The following ZFHX3 variants were observed in gnomAD, a reference collection of about 807,000 sequenced individuals.
The protein encoded by ZFHX3 is zinc finger homeobox 3.
A neutral mutation model predicts 279.1 loss-of-function variants in ZFHX3; 42 were observed. The ratio of observed to expected loss-of-function variants is 0.15; its 90% CI spans 0.12 to 0.19. The LOEUF (loss-of-function observed/expected upper bound fraction) is 0.19. Ranked by LOEUF, ZFHX3 falls within the 10% of genes least tolerant of loss-of-function variation. ZFHX3 has a pLI of 1.00. For missense variants in ZFHX3, 4,981 were observed against 4,754.0 expected (o/e 1.05, Z -1.40); for synonymous variants, 2,293 against 1,957.8 (o/e 1.17, Z -4.52).
intron 2 of ZFHX3, among the ~76,000 whole-genome samples, chr16:73,460,931 G>A (rs946913635): frequency 1.3e-5 from 2 of 152,150 alleles, no homozygotes; most frequent in African/African-American, 4.8e-5. Flanking sequence ...CCCAGCAGAT[G>A]CCAGCATCAT....
At chr16:73,517,636 A>G (rs1383515931) in intron 2 of ZFHX3, among the ~76,000 whole-genome samples, 1 of 152,218 alleles carries the variant, frequency 6.6e-6, no homozygotes, top group Non-Finnish European at 1.5e-5. Flanking sequence ...TGTAGCAAAC[A>G]TAGTATCTTT....
At chr16:73,579,565 G>C (rs370495473) in intron 2 of ZFHX3, among the ~76,000 whole-genome samples, 43 of 149,938 alleles carry the variant, frequency 2.9e-4, no homozygotes, top group East Asian at 9.8e-4. Context: ...GCAGTGGCGT[G>C]ATCTTGGCTC....
chr16:73,707,623 G>A (rs1157597417), intron 1 of ZFHX3, among the ~76,000 whole-genome samples: 2 of 151,212 alleles, frequency 1.3e-5, no homozygotes, highest in East Asian at 3.9e-4. Context: ...ATAGCATTAG[G>A]AGATATACCT....
At chr16:73,793,555 G>C (rs1403295812) in intron 1 of ZFHX3, among the ~76,000 whole-genome samples, 2 of 152,196 alleles carry the variant, frequency 1.3e-5, no homozygotes, top group Non-Finnish European at 1.5e-5. Flanking sequence ...AATTGTAGCT[G>C]TGCTGTATCT....
At chr16:73,687,051 TATATATATATA>T in intron 1 of ZFHX3, among the ~76,000 whole-genome samples, 1 of 112,152 alleles carries the variant, frequency 8.9e-6, no homozygotes, top group Non-Finnish European at 1.8e-5. Context: ...TATATATATA[TATATATATATA>T]TATTTGCAGC....
chr16:73,843,797 T>G (rs911854157), intron 1 of ZFHX3, among the ~76,000 whole-genome samples: 11 of 152,096 alleles, frequency 7.2e-5, no homozygotes, highest in African/African-American at 2.7e-4. Flanking sequence ...GACCACTAGG[T>G]CTCCTTCGCA....
chr16:73,439,779 G>A (rs975464177), intron 3 of ZFHX3, among the ~76,000 whole-genome samples: 9 of 151,800 alleles, frequency 5.9e-5, no homozygotes, highest in African/African-American at 2.2e-4. Context: ...GCTCCTTGGA[G>A]TTTGAGGGGC....
intron 7 of ZFHX3, among the ~76,000 whole-genome samples, chr16:73,108,423 T>C (rs935623619): frequency 1.3e-5 from 2 of 151,918 alleles, no homozygotes; most frequent in African/African-American, 4.8e-5. Flanking sequence ...TTTTGTTTGT[T>C]TTGAGGGTAT....
At chr16:72,860,449 CAG>C (rs1491517778) in intron 4 of ZFHX3, among the ~76,000 whole-genome samples, 2 of 152,152 alleles carry the variant, frequency 1.3e-5, no homozygotes, top group Non-Finnish European at 2.9e-5. Flanking sequence ...CTTTTTGAGA[CAG>C]AGTCTCACTC....
intron 3 of ZFHX3, among the ~76,000 whole-genome samples, chr16:72,938,239 G>T (rs186380732): frequency 6.6e-6 from 1 of 152,258 alleles, no homozygotes. Context: ...CTTCCTTAAA[G>T]TCTGATTAAA....
At chr16:73,837,645 C>A (rs563754723) in intron 1 of ZFHX3, among the ~76,000 whole-genome samples, 13 of 152,020 alleles carry the variant, frequency 8.6e-5, no homozygotes, top group African/African-American at 3.1e-4. Context: ...CTTTTCTTTT[C>A]TTTTCTTTTT....
At chr16:73,314,835 T>A (rs1399329259) in intron 4 of ZFHX3, among the ~76,000 whole-genome samples, 2 of 152,256 alleles carry the variant, frequency 1.3e-5, no homozygotes, top group Non-Finnish European at 2.9e-5. Context: ...AGAAAGAATT[T>A]ACTGAGCACC....
chr16:73,592,362 A>G (rs2143845467), intron 2 of ZFHX3, among the ~76,000 whole-genome samples: 1 of 152,296 alleles, frequency 6.6e-6, no homozygotes, highest in Admixed American at 6.5e-5. Context: ...GGGAGAGAGA[A>G]GGGGGTGGGA....
At chr16:72,892,084 G>A (rs1000379797) in intron 3 of ZFHX3, among the ~76,000 whole-genome samples, 4 of 152,194 alleles carry the variant, frequency 2.6e-5, no homozygotes, top group Admixed American at 6.5e-5. Context: ...TGACGCTCAC[G>A]TACTGACATG....
At chr16:73,487,097 C>T (rs985345069) in intron 2 of ZFHX3, among the ~76,000 whole-genome samples, 2 of 152,152 alleles carry the variant, frequency 1.3e-5, no homozygotes, top group Non-Finnish European at 2.9e-5. Flanking sequence ...GTTCCTTATG[C>T]TGAAATAGCT....
chr16:73,641,443 C>T (rs1034147012), intron 2 of ZFHX3, among the ~76,000 whole-genome samples: 4 of 152,044 alleles, frequency 2.6e-5, no homozygotes, highest in Non-Finnish European at 4.4e-5. Flanking sequence ...ACAGATCTGA[C>T]CCGATGGAAG....
At chr16:73,341,187 A>C (rs1397740573) in intron 3 of ZFHX3, among the ~76,000 whole-genome samples, 1 of 152,062 alleles carries the variant, frequency 6.6e-6, no homozygotes, top group Non-Finnish European at 1.5e-5. Context: ...CTAAAAATAC[A>C]AAAATTAGCC....
In ZFHX3 at chr16:73,710,776, G is replaced by A. The variant is rs147759022; in HGVS notation, c.-1607-30536C>T. On this transcript the variant is annotated intron_variant, in intron 1 of 17. Coordinates refer to the ZFHX3 transcript ENST00000641206. The stretch of plus-strand genomic sequence containing the variant: ...ATTGACAGCTTCCCCCTCGACCCCC[G>A]GCCTCCCTTCTCGGAGCAGCAGTTT... Among the ~76,000 whole-genome samples, 39 of 152,190 alleles carry A rather than the reference G, an allele frequency of 2.6e-4. No individual in the cohort carries two copies. The East Asian group carries it at 6.9e-3, about 27-fold the overall frequency.
At chr16:73,045,748 G>A (rs930218244) in intron 1 of ZFHX3, among the ~76,000 whole-genome samples, 1 of 123,108 alleles carries the variant, frequency 8.1e-6, no homozygotes, top group Non-Finnish European at 1.6e-5. Context: ...AGGAGAAATG[G>A]AAAACAGTAG....
Sources: gnomAD v4.1 joint callset for allele counts (sites outside exome capture counted in the v4.1 genomes callset) on GRCh38, gnomAD v4.1.1 for gene constraint, MANE v1.5 for transcripts, NCBI Gene and HGNC (gene_info 2026-07-23, HGNC 2026-07-21) for gene names.